The following ANO10 variants were observed in gnomAD, a reference collection of about 807,000 sequenced individuals.
ANO10 encodes anoctamin-10.
Under a neutral mutation model 74.7 loss-of-function variants are expected in ANO10, and 77 were observed. The observed-to-expected ratio is 1.03, with a 90% CI of 0.86 to 1.25. The LOEUF (loss-of-function observed/expected upper bound fraction) is 1.25, where lower values mean the gene tolerates loss of function less well. Among genes scored for constraint, ANO10 ranks in the 50% most tolerant of loss-of-function variants. ANO10 has a pLI of 0.00. For missense variants in ANO10, 721 were observed against 778.1 expected (o/e 0.93, Z 0.87); for synonymous variants, 279 against 284.9 (o/e 0.98, Z 0.21).
chr3:43,485,180 G>T, intron 11 of ANO10: 4 of 711,932 alleles, frequency 5.6e-6, no homozygotes, highest in Admixed American at 2.0e-5. Flanking sequence ...GGGTGACAGC[G>T]CCTGCGGTGG....
chr3:43,627,180 C>T (rs1454902528), intron 1 of ANO10, among the ~76,000 whole-genome samples: 1 of 152,248 alleles, frequency 6.6e-6, no homozygotes, highest in African/African-American at 2.4e-5. Flanking sequence ...GGTTTGATTT[C>T]TGCAACCACT....
chr3:43,566,874 C>G (rs1288586163), intron 7 of ANO10, among the ~76,000 whole-genome samples: 1 of 152,168 alleles, frequency 6.6e-6, no homozygotes, highest in African/African-American at 2.4e-5. Flanking sequence ...TTCAGACGAT[C>G]AAATTACTCT....
intron 11 of ANO10, among the ~76,000 whole-genome samples, chr3:43,545,268 T>C (rs959672838): frequency 1.3e-5 from 2 of 152,196 alleles, no homozygotes; most frequent in Non-Finnish European, 2.9e-5. Flanking sequence ...ATTTTAACGT[T>C]AATTTTAAGA....
intron 11 of ANO10, among the ~76,000 whole-genome samples, chr3:43,478,798 T>C (rs1435592193): frequency 6.6e-6 from 1 of 152,226 alleles, no homozygotes; most frequent in Non-Finnish European, 1.5e-5. Context: ...ATCAAACATT[T>C]GGCAAAAGCT....
intron 1 of ANO10, among the ~76,000 whole-genome samples, chr3:43,674,452 G>C (rs2084097504): frequency 6.6e-6 from 1 of 152,044 alleles, no homozygotes; most frequent in South Asian, 2.1e-4. Context: ...GCCTGGCCAC[G>C]GGAGTGTAGA....
At chr3:43,374,688 T>C (rs1019819931) in intron 12 of ANO10, among the ~76,000 whole-genome samples, 25 of 152,090 alleles carry the variant, frequency 1.6e-4, no homozygotes, top group African/African-American at 5.3e-4. Flanking sequence ...GGATCCAATT[T>C]TGTCTTGTCA....
intron 11 of ANO10, among the ~76,000 whole-genome samples, chr3:43,478,708 G>T (rs1438283375): frequency 6.6e-6 from 1 of 152,194 alleles, no homozygotes; most frequent in African/African-American, 2.4e-5. Context: ...ATTTGACACA[G>T]TACAATTTTT....
chr3:43,526,122 TA>T (rs1307781001), intron 11 of ANO10, among the ~76,000 whole-genome samples: 1 of 152,158 alleles, frequency 6.6e-6, no homozygotes, highest in African/African-American at 2.4e-5. Flanking sequence ...GATGAAACCT[TA>T]AAAAGGCTGC....
upstream of ANO10, among the ~76,000 whole-genome samples, chr3:43,622,740 T>G (rs1302500752): frequency 6.6e-6 from 1 of 152,162 alleles, no homozygotes; most frequent in Non-Finnish European, 1.5e-5. Flanking sequence ...CAGTGTTTGC[T>G]GGGCTCTCAC....
chr3:43,385,057 A>G (rs2092076482), intron 12 of ANO10, among the ~76,000 whole-genome samples: 1 of 152,180 alleles, frequency 6.6e-6, no homozygotes, highest in African/African-American at 2.4e-5. Flanking sequence ...GAATCTACAA[A>G]GAATTCAAAT....
intron 12 of ANO10, among the ~76,000 whole-genome samples, chr3:43,405,687 T>G (rs2092563837): frequency 6.6e-6 from 1 of 152,156 alleles, no homozygotes; most frequent in Non-Finnish European, 1.5e-5. Flanking sequence ...TTGCCCAGGC[T>G]ACTCTTGAAC....
At chr3:43,552,079 A>G (rs1201817482) in intron 10 of ANO10, among the ~76,000 whole-genome samples, 1 of 152,248 alleles carries the variant, frequency 6.6e-6, no homozygotes, top group Middle Eastern at 3.4e-3. Flanking sequence ...AATGTTCCTG[A>G]GTATATCTTT....
chr3:43,640,124 T>A (rs1451089009), intron 1 of ANO10, among the ~76,000 whole-genome samples: 6 of 152,222 alleles, frequency 3.9e-5, no homozygotes, highest in African/African-American at 1.4e-4. Context: ...GAAGGATTGA[T>A]ATTTAAACAC....
At chr3:43,460,730 A>C (rs2075340371) in intron 11 of ANO10, among the ~76,000 whole-genome samples, 1 of 152,242 alleles carries the variant, frequency 6.6e-6, no homozygotes, top group Non-Finnish European at 1.5e-5. Context: ...CCATGGCAAA[A>C]AAGAAGAAAA....
At chr3:43,664,995 TATC>T (rs1178259871) in intron 1 of ANO10, among the ~76,000 whole-genome samples, 1 of 152,132 alleles carries the variant, frequency 6.6e-6, no homozygotes, top group Non-Finnish European at 1.5e-5. Context: ...AAACTAGAAA[TATC>T]ATGTGAACCA....
At chr3:43,394,399 T>C (rs1024148876) in intron 12 of ANO10, among the ~76,000 whole-genome samples, 1 of 152,184 alleles carries the variant, frequency 6.6e-6, no homozygotes, top group Non-Finnish European at 1.5e-5. Flanking sequence ...ATTTTTCTTT[T>C]TCCCTTGTGT....
intron 12 of ANO10, among the ~76,000 whole-genome samples, chr3:43,418,191 C>T (rs567578626): frequency 3.3e-5 from 5 of 152,286 alleles, no homozygotes; most frequent in Middle Eastern, 3.4e-3. Context: ...GCAGGGGAAT[C>T]GTCTGAAACT....
chr3:43,668,443 T>C (rs1195108317), intron 1 of ANO10, among the ~76,000 whole-genome samples: 1 of 152,154 alleles, frequency 6.6e-6, no homozygotes, highest in Admixed American at 6.6e-5. Flanking sequence ...GGTTCCATTT[T>C]TTAATTTTTG....
chr3:43,634,618 A>G (rs1246548747), intron 1 of ANO10, among the ~76,000 whole-genome samples: 1 of 152,220 alleles, frequency 6.6e-6, no homozygotes. Context: ...ATCTAAAACA[A>G]GAAGCACTTA....
Sources: gnomAD v4.1 joint callset for allele counts (sites outside exome capture counted in the v4.1 genomes callset) on GRCh38, gnomAD v4.1.1 for gene constraint, MANE v1.5 for transcripts, NCBI Gene and HGNC (gene_info 2026-07-23, HGNC 2026-07-21) for gene names.